C2CD5: variants seen among roughly 807,000 people sequenced by gnomAD.
C2CD5 encodes C2 domain-containing protein 5.
In C2CD5, 109 loss-of-function variants were observed where a neutral mutation model predicts 130.3. The observed-to-expected ratio is 0.84, with a 90% confidence interval of 0.72 to 0.98. C2CD5 has a LOEUF of 0.98. Among genes scored for constraint, C2CD5 ranks in the 50% least tolerant of loss-of-function variants. The probability of loss-of-function intolerance (pLI) is 0.00; values close to 1 mark genes in which losing one functional copy is unlikely to be tolerated. For missense variants in C2CD5, 996 were observed against 1,261.8 expected (o/e 0.79, Z 3.19); for synonymous variants, 454 against 429.2 (o/e 1.06, Z -0.71).
intron 11 of C2CD5, among the ~76,000 whole-genome samples, chr12:22,492,229 G>T (rs775592583): frequency 6.6e-6 from 1 of 152,040 alleles, no homozygotes; most frequent in Admixed American, 6.6e-5. Flanking sequence ...ATAACAGAAG[G>T]TTAAACAGTT....
chr12:22,538,699 ATGAAATTCATTCAAT>A (rs1402756584), intron 2 of C2CD5, among the ~76,000 whole-genome samples: 1 of 152,216 alleles, frequency 6.6e-6, no homozygotes, highest in African/African-American at 2.4e-5. Context: ...TCACATATGA[ATGAAATTCATTCAAT>A]TGAAATACAT....
intron 26 of C2CD5, among the ~76,000 whole-genome samples, 156 bp from the exon 27 acceptor site, chr12:22,450,047 A>T (rs969887987): frequency 1.3e-5 from 2 of 152,166 alleles, no homozygotes; most frequent in Non-Finnish European, 2.9e-5. Flanking sequence ...AAAGGGTAAG[A>T]GGGCAATTCA....
At chr12:22,494,246 C>A (rs17339669) in intron 10 of C2CD5, among the ~76,000 whole-genome samples, 7,368 of 151,696 alleles carry the variant, frequency 0.049, 258 homozygotes, top group Middle Eastern at 0.088. Context: ...GGCCAATTCT[C>A]ATTTGGGAAT....
chr12:22,523,202 A>G (rs1003371597), intron 7 of C2CD5, among the ~76,000 whole-genome samples: 11 of 152,322 alleles, frequency 7.2e-5, no homozygotes, highest in African/African-American at 2.6e-4. Context: ...CAACAGAGCA[A>G]GACCCTGTCA....
chr12:22,484,716 C>T lies in C2CD5; in HGVS notation c.1531G>A (p.Gly511Ser). 6.3e-7 allele frequency: 1 copy of T among 1,588,510 alleles called. No individual in the cohort carries two copies. The highest frequency in any genetic ancestry group is 8.5e-7 in the Non-Finnish European group (1 of 1,169,602). ...ACATACCTTGCTTGAATAAGACAAC[C>T]TTTTCCAATAACTGTTGCATCTGTT... ...LPTDATVIGK[G>S]CLIQARLCRL... Residue 511 changes from glycine to serine, a missense_variant, in exon 13 of 27, where the codon GGT (glycine) becomes AGT (serine). Around this residue, in one of 9 missense-constraint regions of C2CD5, gnomAD observed 590 missense variants for 631.4 expected, o/e 0.93. Coordinates refer to ENST00000446597, the MANE Select transcript of C2CD5 (RefSeq NM_001286176.2).
chr12:22,544,253 T>A, intron 1 of C2CD5, 67 bp downstream of exon 1: 4 of 1,189,002 alleles, frequency 3.4e-6, no homozygotes, highest in Non-Finnish European at 4.7e-6. Context: ...GCGGGGTAAC[T>A]GACAGCGAAG....
chr12:22,474,922 T>C, intron 15 of C2CD5, 31 bp from the exon 16 acceptor site: 2 of 1,467,768 alleles, frequency 1.4e-6, no homozygotes, highest in African/African-American at 1.4e-5. Context: ...TTATATCATA[T>C]GAGATTGTCT....
intron 7 of C2CD5, among the ~76,000 whole-genome samples, chr12:22,522,314 C>G (rs1056469717): frequency 6.6e-6 from 1 of 152,120 alleles, no homozygotes; most frequent in Admixed American, 6.5e-5. Flanking sequence ...GGATAGTCAG[C>G]GTTTTTAGTC....
chr12:22,543,708 TTGTG>T (rs34060195), intron 2 of C2CD5, among the ~76,000 whole-genome samples: 1 of 141,872 alleles, frequency 7.0e-6, no homozygotes, highest in African/African-American at 2.6e-5. Flanking sequence ...ATTCCGGCAT[TTGTG>T]TGTGTGTGTG....
At chr12:22,513,967 C>T (rs936034395) in intron 8 of C2CD5, among the ~76,000 whole-genome samples, 1 of 152,074 alleles carries the variant, frequency 6.6e-6, no homozygotes, top group Non-Finnish European at 1.5e-5. Flanking sequence ...TCAACATAAA[C>T]TTTTTTTAAG....
chr12:22,462,990 G>A (rs1034873454), intron 22 of C2CD5, among the ~76,000 whole-genome samples: 1 of 151,634 alleles, frequency 6.6e-6, no homozygotes, highest in Admixed American at 6.6e-5. Flanking sequence ...AGGCTGAGGC[G>A]GGAGGATCGC....
intron 22 of C2CD5, among the ~76,000 whole-genome samples, chr12:22,462,550 T>C (rs143419760): frequency 6.6e-5 from 10 of 152,306 alleles, no homozygotes; most frequent in Admixed American, 2.0e-4. Context: ...TGTAGTGGTG[T>C]GGGAGGGAAA....
chr12:22,469,134 A>G (rs1942592793), intron 22 of C2CD5, among the ~76,000 whole-genome samples: 1 of 152,194 alleles, frequency 6.6e-6, no homozygotes, highest in Non-Finnish European at 1.5e-5. Flanking sequence ...ATCAAAATAG[A>G]TTTATTGCTA....
chr12:22,482,274 A>C (rs1331284962), intron 14 of C2CD5, among the ~76,000 whole-genome samples: 1 of 152,174 alleles, frequency 6.6e-6, no homozygotes, highest in Non-Finnish European at 1.5e-5. Flanking sequence ...TTTTAGCAAT[A>C]TGTAAACAAT....
At chr12:22,519,916 T>C (rs1950115089) in intron 7 of C2CD5, among the ~76,000 whole-genome samples, 1 of 152,086 alleles carries the variant, frequency 6.6e-6, no homozygotes, top group Non-Finnish European at 1.5e-5. Context: ...TAAAACAATG[T>C]CAATAACTTT....
intron 10 of C2CD5, among the ~76,000 whole-genome samples, chr12:22,506,175 GT>G (rs1948509861): frequency 2.0e-5 from 3 of 152,102 alleles, no homozygotes; most frequent in Admixed American, 2.0e-4. Flanking sequence ...CACCCACAGT[GT>G]TTACATAGGT....
intron 2 of C2CD5, 43 bp from the exon 3 acceptor site, chr12:22,535,387 T>C (rs1951723959): frequency 9.3e-7 from 1 of 1,074,454 alleles, no homozygotes; most frequent in Non-Finnish European, 1.4e-6. Flanking sequence ...ATATCAAAAA[T>C]GTGAATAAAA....
rs535108392 is a variant in C2CD5 at position 22,487,403 on chromosome 12, A to T, written c.1359-2515T>A. On this transcript the variant is annotated intron_variant, in intron 12 of 26. Transcript: ENST00000446597. Reference sequence around the variant, plus strand: ...AAAAGTAGGTGAAGGATATGAACAGACATTTCTCAAAAGAAGACATTTATG... The same window carrying T: ...AAAAGTAGGTGAAGGATATGAACAGTCATTTCTCAAAAGAAGACATTTATG... 8.5e-5 allele frequency among the ~76,000 whole-genome samples: 13 copies of T among 152,370 alleles called. No individual in the cohort carries two copies. The South Asian group carries it at 2.7e-3, about 32-fold the overall frequency.
At chr12:22,498,406 G>A (rs1947327706) in intron 10 of C2CD5, among the ~76,000 whole-genome samples, 4 of 152,104 alleles carry the variant, frequency 2.6e-5, no homozygotes, top group Non-Finnish European at 5.9e-5. Flanking sequence ...AAACAAAAAA[G>A]TTCATTCAGA....
Sources: allele counts gnomAD v4.1 joint callset (sites outside exome capture counted in the v4.1 genomes callset), GRCh38; gene constraint gnomAD v4.1.1; regional missense constraint gnomAD v4.1.1; transcripts MANE v1.5; gene names NCBI Gene and HGNC (gene_info 2026-07-23, HGNC 2026-07-21).